Variants in CARNMT1 observed in about 807,000 individuals in gnomAD.
CARNMT1 encodes protein-L-histidine N-pros-methyltransferase CARNMT1.
A neutral mutation model predicts 49.6 loss-of-function variants in CARNMT1; 28 were observed. That is an observed-to-expected ratio of 0.56 (90% confidence interval 0.42 to 0.77). The LOEUF (loss-of-function observed/expected upper bound fraction) is 0.77. CARNMT1 is among the 30% of genes least tolerant of loss of function. The pLI, the probability that CARNMT1 is intolerant of heterozygous loss-of-function variation, is 0.00. For missense variants in CARNMT1, 421 were observed against 512.6 expected, an observed-to-expected ratio of 0.82 and a Z score of 1.73; for synonymous variants, 178 against 175.0, an observed-to-expected ratio of 1.02 and a Z score of -0.13.
intron 1 of CARNMT1, among the ~76,000 whole-genome samples, chr9:75,021,270 A>G (rs1564107281): frequency 1.5e-5 from 2 of 132,506 alleles, no homozygotes; most frequent in Non-Finnish European, 3.3e-5. Context: ...GTATATATGT[A>G]TATATACATA....
At position 74,996,143 on chromosome 9, in the gene CARNMT1, T is replaced by C. The variant is rs960750503; in HGVS notation, c.1024+304A>G. Reference sequence around the variant, plus strand: ...CTCTCTTCCTAACAGAACGGACCACTGTCTCAGCATGTGGGATGGTGATAA... The same window carrying C: ...CTCTCTTCCTAACAGAACGGACCACCGTCTCAGCATGTGGGATGGTGATAA... On this transcript the variant is annotated intron_variant, in intron 6 of 7. Coordinates refer to ENST00000376834, the MANE Select transcript of CARNMT1 (RefSeq NM_152420.3). The C allele has an allele frequency of 3.8e-5, 8 of 213,100 alleles. No homozygotes were observed. In the East Asian group the frequency reaches 8.3e-4, roughly 22 times the overall value. 13.2% of individuals were successfully genotyped at this position (213,100 alleles called of 1,614,324 possible). A position where few individuals can be genotyped will look rare whatever the true frequency, so the allele number is the denominator to read the frequency against.
At chr9:75,003,648 T>A (rs1833426789) in intron 3 of CARNMT1, among the ~76,000 whole-genome samples, 1 of 152,258 alleles carries the variant, frequency 6.6e-6, no homozygotes, top group South Asian at 2.1e-4. Flanking sequence ...ACATAATTTA[T>A]CAAAATCTCC....
intron 1 of CARNMT1, among the ~76,000 whole-genome samples, chr9:75,022,182 C>G (rs1333307912): frequency 7.0e-6 from 1 of 143,142 alleles, no homozygotes; most frequent in Non-Finnish European, 1.5e-5. Context: ...CATAAACTCT[C>G]AAAACCAGAA....
intron 6 of CARNMT1, among the ~76,000 whole-genome samples, chr9:74,995,190 T>C (rs1220340202): frequency 2.6e-5 from 4 of 152,158 alleles, no homozygotes; most frequent in Non-Finnish European, 5.9e-5. Context: ...AATGCTAACT[T>C]ACAAATTAAC....
chr9:75,024,367 T>C (rs779369738), intron 1 of CARNMT1, among the ~76,000 whole-genome samples: 7 of 152,204 alleles, frequency 4.6e-5, no homozygotes, highest in South Asian at 2.1e-4. Context: ...CCTGAGCAAG[T>C]TGCTTACCGC....
chr9:75,017,465 GTTTTT>G lies in CARNMT1; in HGVS notation c.231-22_231-18del. On this transcript the variant is annotated intron_variant, in intron 1 of 7. Coordinates refer to ENST00000376834, the MANE Select transcript of CARNMT1 (RefSeq NM_152420.3). ...ATACTGGTGCTAAAACATAAAAGGT[GTTTTT>G]TAAATTCACAAAAGAATTCTCACCA... The G allele has an allele frequency of 6.2e-7, 1 of 1,601,882 alleles. No homozygotes were observed. The highest frequency in any genetic ancestry group is 8.5e-7 in the Non-Finnish European group (1 of 1,173,362).
chr9:75,025,054 G>T (rs1822484451), intron 1 of CARNMT1, among the ~76,000 whole-genome samples: 1 of 152,214 alleles, frequency 6.6e-6, no homozygotes, highest in South Asian at 2.1e-4. Flanking sequence ...TACATAATTT[G>T]ATTACAAGAT....
intron 1 of CARNMT1, chr9:75,027,099 CAT>C (rs1169154399): frequency 5.4e-6 from 7 of 1,304,208 alleles, no homozygotes; most frequent in Non-Finnish European, 6.1e-6. Context: ...AGCCTCAGAA[CAT>C]AGTCACCGGT....
Position 74,985,023 on chromosome 9 carries a change from G to C in CARNMT1, c.1025-13C>G. Reference sequence around the variant, plus strand: ...TACAGCAGAGGACCTATGGTTTAAAGATACTATGAATTACTTGAATATAAA... The same window carrying C: ...TACAGCAGAGGACCTATGGTTTAAACATACTATGAATTACTTGAATATAAA... On this transcript the variant is annotated splice_polypyrimidine_tract_variant and intron_variant, in intron 6 of 7. Transcript: ENST00000376834. The C allele has an allele frequency of 6.4e-7, 1 of 1,574,136 alleles. No homozygotes were observed. Among genetic ancestry groups the C allele is most frequent in the Non-Finnish European group, 8.7e-7 (1 of 1,144,010 alleles).
chr9:74,989,100 C>A lies in CARNMT1; in HGVS notation c.1025-4090G>T, dbSNP rs537846044. On this transcript the variant is annotated intron_variant, in intron 6 of 7. Coordinates refer to ENST00000376834, the MANE Select transcript of CARNMT1 (RefSeq NM_152420.3). Reference sequence around the variant, plus strand: ...TTTTTTTCTGTATATAGGTTGTTTACATTTATTCTTTTTTTCATTTTTTTA... The same window carrying A: ...TTTTTTTCTGTATATAGGTTGTTTAAATTTATTCTTTTTTTCATTTTTTTA... 2.0e-5 allele frequency among the ~76,000 whole-genome samples: 3 copies of A among 152,076 alleles called. No homozygotes were observed. In the East Asian group the frequency reaches 5.8e-4, roughly 29 times the overall value.
intron 3 of CARNMT1, among the ~76,000 whole-genome samples, chr9:75,007,729 AAAAAAATAAAAATAAT>A (rs1232943464): frequency 8.8e-6 from 1 of 114,038 alleles, no homozygotes; most frequent in African/African-American, 3.1e-5. Flanking sequence ...ACCCTGTCTC[AAAAAAATAAAAATAAT>A]AAAAAAAAAA....
chr9:74,989,668 G>C, intron 6 of CARNMT1, among the ~76,000 whole-genome samples: 1 of 152,112 alleles, frequency 6.6e-6, no homozygotes, highest in East Asian at 1.9e-4. Flanking sequence ...CTGAGTTCTT[G>C]CAAGATCTGA....
intron 3 of CARNMT1, among the ~76,000 whole-genome samples, chr9:75,012,616 T>C (rs1262862254): frequency 2.6e-5 from 4 of 152,088 alleles, no homozygotes; most frequent in African/African-American, 7.2e-5. Flanking sequence ...TTTAAAAATT[T>C]GAGCTCCATT....
chr9:75,018,586 T>C (rs907330429), intron 1 of CARNMT1, among the ~76,000 whole-genome samples: 4 of 152,204 alleles, frequency 2.6e-5, no homozygotes, highest in Non-Finnish European at 5.9e-5. Context: ...AGCATGGTAC[T>C]TGCCTTATGA....
intron 1 of CARNMT1, among the ~76,000 whole-genome samples, chr9:75,026,303 C>T (rs181708229): frequency 3.9e-5 from 6 of 152,248 alleles, no homozygotes; most frequent in Non-Finnish European, 7.4e-5. Flanking sequence ...CAACAAAGTC[C>T]CATCCCATAC....
chr9:74,996,589 C>A (rs537444034), intron 5 of CARNMT1, 29 bp from the exon 6 acceptor site: 1 of 1,272,102 alleles, frequency 7.9e-7, no homozygotes, highest in Non-Finnish European at 1.1e-6. Flanking sequence ...ATTACTGCAT[C>A]TGTTATGTTA....
intron 1 of CARNMT1, among the ~76,000 whole-genome samples, chr9:75,017,936 A>C (rs1456439884): frequency 3.3e-5 from 5 of 152,352 alleles, no homozygotes; most frequent in Middle Eastern, 6.8e-3. Context: ...ATAAAAAATT[A>C]AAATTCTATA....
chr9:75,014,399 G>A (rs1833785851), intron 3 of CARNMT1, among the ~76,000 whole-genome samples: 1 of 152,164 alleles, frequency 6.6e-6, no homozygotes, highest in Non-Finnish European at 1.5e-5. Flanking sequence ...ACCCTATAGA[G>A]TTGGGACTGG....
At chr9:75,011,812 C>T (rs973187875) in intron 3 of CARNMT1, among the ~76,000 whole-genome samples, 6 of 152,284 alleles carry the variant, frequency 3.9e-5, no homozygotes, top group Admixed American at 3.9e-4. Context: ...AACTGACAAA[C>T]AGAGAGCAGC....
Sources: gnomAD v4.1 joint callset for allele counts (sites outside exome capture counted in the v4.1 genomes callset) on GRCh38, gnomAD v4.1.1 for gene constraint, MANE v1.5 for transcripts, NCBI Gene and HGNC (gene_info 2026-07-23, HGNC 2026-07-21) for gene names.